The following CTNNA3 variants were observed in gnomAD, a reference collection of about 807,000 sequenced individuals.
CTNNA3 encodes the protein catenin alpha-3.
In CTNNA3, 76 loss-of-function variants were observed where a neutral mutation model predicts 95.7. The observed-to-expected ratio is 0.79, with a 90% CI of 0.66 to 0.96. The LOEUF (loss-of-function observed/expected upper bound fraction) is 0.96. Among genes scored for constraint, CTNNA3 ranks in the 40% least tolerant of loss-of-function variants. The probability of loss-of-function intolerance (pLI) is 0.00; values close to 1 mark genes in which losing one functional copy is unlikely to be tolerated. For synonymous variants in CTNNA3, 431 were observed against 374.4 expected (o/e 1.15, Z -1.74); for missense variants, 1,191 against 1,089.8 (o/e 1.09, Z -1.31).
intron 10 of CTNNA3, among the ~76,000 whole-genome samples, chr10:66,619,257 C>T (rs1407949265): frequency 1.3e-5 from 2 of 151,378 alleles, no homozygotes; most frequent in Admixed American, 6.6e-5. Flanking sequence ...AAGACACATG[C>T]ACACGTATGT....
At chr10:66,207,030 T>C (rs1335585521) in intron 13 of CTNNA3, among the ~76,000 whole-genome samples, 2 of 151,940 alleles carry the variant, frequency 1.3e-5, no homozygotes, top group Admixed American at 1.3e-4. Context: ...TCAGTTGCCA[T>C]GTAGCATCTC....
intron 11 of CTNNA3, among the ~76,000 whole-genome samples, chr10:66,513,202 T>A (rs1840723274): frequency 6.6e-6 from 1 of 152,196 alleles, no homozygotes; most frequent in Admixed American, 6.5e-5. Context: ...ATTTTTATTC[T>A]TTTTTCTCTT....
intron 2 of CTNNA3, among the ~76,000 whole-genome samples, chr10:67,630,670 C>T (rs1839115816): frequency 6.6e-6 from 1 of 151,962 alleles, no homozygotes; most frequent in South Asian, 2.1e-4. Context: ...GAAAAAAAGG[C>T]CAAGAGGTCC....
intron 14 of CTNNA3, among the ~76,000 whole-genome samples, chr10:66,074,676 G>C (rs1436397446): frequency 6.6e-6 from 1 of 151,676 alleles, no homozygotes; most frequent in Non-Finnish European, 1.5e-5. Context: ...CATGTTGTCA[G>C]TTCTTCCCCC....
chr10:66,470,232 G>T (rs529708766), intron 11 of CTNNA3, among the ~76,000 whole-genome samples: 1 of 151,790 alleles, frequency 6.6e-6, no homozygotes, highest in African/African-American at 2.4e-5. Flanking sequence ...GTTTGCTGTT[G>T]TTTTTAATCT....
At chr10:67,750,623 A>C (rs1841401865) in intron 1 of CTNNA3, 1 of 1,547,734 alleles carries the variant, frequency 6.5e-7, no homozygotes, top group Non-Finnish European at 8.9e-7. Context: ...TCACTAGCAC[A>C]GGGATACAAG....
rs150117127 is a variant in CTNNA3, at chr10:66,116,729, G to T, written c.1885-13480C>A. Among the ~76,000 whole-genome samples, 13 of 152,236 alleles carry T rather than the reference G, an allele frequency of 8.5e-5. No homozygotes were observed. The East Asian group carries it at 2.5e-3, about 30-fold the overall frequency. On this transcript the variant is annotated intron_variant, in intron 13 of 17. Transcript: ENST00000433211. ...TGTTTAATCGACTCACAATTCCACAGGCTGTGTAAGAGGCATGGCTGGGGA... is the reference window on the plus strand; with the variant it reads ...TGTTTAATCGACTCACAATTCCACATGCTGTGTAAGAGGCATGGCTGGGGA...
intron 11 of CTNNA3, among the ~76,000 whole-genome samples, chr10:66,392,298 T>C (rs544991137): frequency 2.0e-5 from 3 of 151,918 alleles, no homozygotes; most frequent in African/African-American, 4.8e-5. Flanking sequence ...GGAGTGGTGG[T>C]CCACACCTGT....
chr10:66,088,579 G>T (rs905111166), intron 14 of CTNNA3, among the ~76,000 whole-genome samples: 3 of 149,862 alleles, frequency 2.0e-5, no homozygotes, highest in African/African-American at 7.4e-5. Flanking sequence ...ATGTATCTGG[G>T]CAAACATTCT....
At chr10:67,317,097 T>A (rs1353780926) in intron 5 of CTNNA3, among the ~76,000 whole-genome samples, 4 of 152,170 alleles carry the variant, frequency 2.6e-5, no homozygotes, top group Non-Finnish European at 5.9e-5. Context: ...AATTTTCTTT[T>A]GAAAGAAAAA....
At chr10:67,057,922 C>T (rs1855535912) in intron 7 of CTNNA3, among the ~76,000 whole-genome samples, 1 of 152,132 alleles carries the variant, frequency 6.6e-6, no homozygotes, top group Non-Finnish European at 1.5e-5. Context: ...GAAGGTAATG[C>T]TCTCAAGGAT....
chr10:67,595,765 T>A (rs1337982989), intron 3 of CTNNA3, among the ~76,000 whole-genome samples: 1 of 152,136 alleles, frequency 6.6e-6, no homozygotes, highest in East Asian at 1.9e-4. Flanking sequence ...TGGTTATCTA[T>A]CTTTATAGGT....
At chr10:65,938,055 G>A (rs2077370555) in intron 17 of CTNNA3, among the ~76,000 whole-genome samples, 1 of 152,172 alleles carries the variant, frequency 6.6e-6, no homozygotes, top group Non-Finnish European at 1.5e-5. Context: ...GAGGGAGGCT[G>A]CTGATTCAAA....
chr10:67,504,073 T>G (rs539879362), intron 5 of CTNNA3, among the ~76,000 whole-genome samples: 1 of 145,200 alleles, frequency 6.9e-6, no homozygotes, highest in Non-Finnish European at 1.5e-5. Flanking sequence ...AGGAGAATGG[T>G]GTGAACCCAG....
At chr10:67,454,352 T>C (rs1847093050) in intron 5 of CTNNA3, among the ~76,000 whole-genome samples, 1 of 152,174 alleles carries the variant, frequency 6.6e-6, no homozygotes, top group South Asian at 2.1e-4. Flanking sequence ...TTATGTTTCC[T>C]CTATATGATA....
At chr10:66,376,664 AAAC>A (rs1235666774) in intron 12 of CTNNA3, among the ~76,000 whole-genome samples, 2 of 152,276 alleles carry the variant, frequency 1.3e-5, no homozygotes, top group Non-Finnish European at 2.9e-5. Context: ...TCTTGGTAAT[AAAC>A]AACAATTCAC....
intron 7 of CTNNA3, chr10:66,837,560 T>A (rs1842925887): frequency 6.6e-6 from 1 of 152,100 alleles, no homozygotes; most frequent in African/African-American, 2.4e-5. Flanking sequence ...CAGAACAAAA[T>A]TAAAGCATTT....
At chr10:66,520,812 C>T (rs749654512) in intron 10 of CTNNA3, 39 bp from the exon 11 acceptor site, 10 of 1,549,686 alleles carry the variant, frequency 6.5e-6, no homozygotes, top group Non-Finnish European at 8.9e-6. Context: ...CTATTGGTTG[C>T]AATGTTCACT....
intron 13 of CTNNA3, among the ~76,000 whole-genome samples, chr10:66,249,420 C>G (rs1352458136): frequency 6.6e-6 from 1 of 152,054 alleles, no homozygotes; most frequent in African/African-American, 2.4e-5. Context: ...TCAAACAACT[C>G]TATAGGAAAA....
Sources: allele counts gnomAD v4.1 joint callset (sites outside exome capture counted in the v4.1 genomes callset), GRCh38; gene constraint gnomAD v4.1.1; transcripts MANE v1.5; gene names NCBI Gene and HGNC (gene_info 2026-07-23, HGNC 2026-07-21).